CCDC93: variants seen among roughly 807,000 people sequenced by gnomAD.
CCDC93 encodes the protein CCC complex scaffolding subunit CCDC93.
Under a neutral mutation model 108.2 loss-of-function variants are expected in CCDC93, and 61 were observed. The observed-to-expected ratio is 0.56, with a 90% CI of 0.46 to 0.70. CCDC93 has a LOEUF of 0.70. Ranked by LOEUF, CCDC93 falls within the 30% of genes least tolerant of loss-of-function variation. CCDC93 has a pLI of 0.00. For missense variants in CCDC93, 685 were observed against 764.2 expected (o/e 0.90, Z 1.22); for synonymous variants, 276 against 260.4 (o/e 1.06, Z -0.58).
intron 22 of CCDC93, among the ~76,000 whole-genome samples, chr2:117,932,082 C>T (rs1339531146): frequency 6.6e-6 from 1 of 152,082 alleles, no homozygotes; most frequent in Non-Finnish European, 1.5e-5. Flanking sequence ...GCATGGCCTC[C>T]TCAGCCTGGA....
rs184738209 is a variant in CCDC93, at chr2:117,993,785, G to A, written c.519+1661C>T. Among the ~76,000 whole-genome samples, 378 of 152,350 alleles carry A rather than the reference G, an allele frequency of 2.5e-3. 1 individual carries two copies. The highest frequency in any genetic ancestry group is 3.6e-3 in the Non-Finnish European group (242 of 68,032). ...GTCTTGCTCTGTCGCCCAGTCTGGA[G>A]TGCAATGGCACGATCTTGGCTCACT... On this transcript the variant is annotated intron_variant, in intron 6 of 23. Transcript: ENST00000376300.
intron 1 of CCDC93, chr2:118,012,371 AATG>A (rs1400777294): frequency 2.0e-5 from 3 of 152,362 alleles, no homozygotes; most frequent in East Asian, 1.9e-4. Context: ...TTCTGAACTA[AATG>A]ATGATAAGTT....
At chr2:117,945,117 C>T (rs1337979245) in intron 17 of CCDC93, among the ~76,000 whole-genome samples, 1 of 152,198 alleles carries the variant, frequency 6.6e-6, no homozygotes, top group Non-Finnish European at 1.5e-5. Context: ...AAAAGAGTTA[C>T]TATGTGCACC....
intron 23 of CCDC93, among the ~76,000 whole-genome samples, chr2:117,928,323 C>A (rs888965909): frequency 3.9e-4 from 60 of 152,034 alleles, no homozygotes; most frequent in Middle Eastern, 3.2e-3. Flanking sequence ...AGTGAACAGG[C>A]AACCTAAAGA....
chr2:117,976,984 G>A (rs1384610616), intron 8 of CCDC93, among the ~76,000 whole-genome samples: 1 of 147,824 alleles, frequency 6.8e-6, no homozygotes, highest in Non-Finnish European at 1.5e-5. Context: ...CACCCAGGCT[G>A]GAGTGCAGTG....
At chr2:117,990,463 G>C (rs1334670685) in intron 6 of CCDC93, among the ~76,000 whole-genome samples, 1 of 152,190 alleles carries the variant, frequency 6.6e-6, no homozygotes, top group Non-Finnish European at 1.5e-5. Flanking sequence ...TCATAAGCTC[G>C]GATGATAAAG....
chr2:117,978,170 G>T, intron 7 of CCDC93, 140 bp from the exon 8 acceptor site: 1 of 729,284 alleles, frequency 1.4e-6, no homozygotes. Context: ...CGTTACAAGT[G>T]CCTAAATTAC....
At chr2:117,948,993 G>C (rs1047891772) in intron 14 of CCDC93, among the ~76,000 whole-genome samples, 1 of 152,194 alleles carries the variant, frequency 6.6e-6, no homozygotes, top group Non-Finnish European at 1.5e-5. Context: ...TGGGTGGCTG[G>C]GGACAGGAGT....
At chr2:117,936,938 C>G in intron 20 of CCDC93, 199 bp from the exon 21 acceptor site, 1 of 571,930 alleles carries the variant, frequency 1.7e-6, no homozygotes, top group East Asian at 3.0e-5. Flanking sequence ...AATCCACCTT[C>G]TTCTCACAGA....
At chr2:117,939,156 G>A in intron 19 of CCDC93, 45 bp from the exon 20 acceptor site, 1 of 1,202,414 alleles carries the variant, frequency 8.3e-7, no homozygotes, top group Non-Finnish European at 1.2e-6. Context: ...ACAGGTATCA[G>A]AACACCCTAC....
chr2:117,952,876 G>A (rs1419056552), intron 12 of CCDC93, among the ~76,000 whole-genome samples: 2 of 152,154 alleles, frequency 1.3e-5, no homozygotes, highest in East Asian at 1.9e-4. Flanking sequence ...TTCAGCACTT[G>A]AGATCCCAGC....
intron 1 of CCDC93, among the ~76,000 whole-genome samples, chr2:118,009,788 G>A (rs1428360240): frequency 6.6e-6 from 1 of 152,140 alleles, no homozygotes; most frequent in South Asian, 2.1e-4. Context: ...TTTCGATCTC[G>A]AAAACAAATA....
At chr2:117,949,059 T>C (rs1010928961) in intron 14 of CCDC93, among the ~76,000 whole-genome samples, 1 of 152,186 alleles carries the variant, frequency 6.6e-6, no homozygotes, top group Non-Finnish European at 1.5e-5. Context: ...TATGACCATT[T>C]TGAAAAATAG....
chr2:117,926,525 T>C (rs867116746), intron 23 of CCDC93, among the ~76,000 whole-genome samples: 6 of 152,040 alleles, frequency 3.9e-5, no homozygotes, highest in Non-Finnish European at 5.9e-5. Context: ...CTAGAAGAAA[T>C]GGATAAATTC....
chr2:117,935,997 T>C (rs1378756855), intron 21 of CCDC93, among the ~76,000 whole-genome samples: 1 of 151,824 alleles, frequency 6.6e-6, no homozygotes, highest in African/African-American at 2.4e-5. Flanking sequence ...TGAGATTTCC[T>C]AAAACCAGGG....
chr2:117,995,936 C>T (rs1680632907), intron 5 of CCDC93: 2 of 156,038 alleles, frequency 1.3e-5, no homozygotes, highest in East Asian at 3.6e-4. Flanking sequence ...TGGCTATTAG[C>T]TATTATTGTT....
chr2:118,001,609 A>G (rs1676690057), intron 3 of CCDC93, among the ~76,000 whole-genome samples: 1 of 152,202 alleles, frequency 6.6e-6, no homozygotes, highest in African/African-American at 2.4e-5. Context: ...ACCTCGCCTC[A>G]GTCTTCCTCC....
chr2:117,931,519 G>A (rs1169254305), intron 22 of CCDC93: 1 of 222,204 alleles, frequency 4.5e-6, no homozygotes, highest in Non-Finnish European at 9.0e-6. Context: ...GAATCACTGG[G>A]TAGAGGCCAG....
At chr2:117,992,051 G>GA (rs1482136370) in intron 6 of CCDC93, among the ~76,000 whole-genome samples, 1 of 152,268 alleles carries the variant, frequency 6.6e-6, no homozygotes, top group African/African-American at 2.4e-5. Flanking sequence ...ACAGCTCCTG[G>GA]AAGTGAGGGG....
Sources: allele counts gnomAD v4.1 joint callset (sites outside exome capture counted in the v4.1 genomes callset), GRCh38; gene constraint gnomAD v4.1.1; transcripts MANE v1.5; gene names NCBI Gene and HGNC (gene_info 2026-07-23, HGNC 2026-07-21).